DPYD: variants seen among roughly 807,000 people sequenced by gnomAD.
The protein encoded by DPYD is dihydropyrimidine dehydrogenase, also known as dihydropyrimidine dehydrogenase [NADP(+)].
A neutral mutation model predicts 116.2 loss-of-function variants in DPYD; 109 were observed. That is an observed-to-expected ratio of 0.94 (90% CI 0.80 to 1.10). The LOEUF (loss-of-function observed/expected upper bound fraction) is 1.10, where lower values mean the gene tolerates loss of function less well. DPYD is among the 50% of genes least tolerant of loss of function. DPYD has a pLI of 0.00. For missense variants in DPYD, 1,302 were observed against 1,254.5 expected, an observed-to-expected ratio of 1.04 and a Z score of -0.57; for synonymous variants, 440 against 432.0, an observed-to-expected ratio of 1.02 and a Z score of -0.23.
chr1:97,834,444 G>A (rs1669672003), intron 2 of DPYD, among the ~76,000 whole-genome samples: 1 of 151,648 alleles, frequency 6.6e-6, no homozygotes, highest in Non-Finnish European at 1.5e-5. Flanking sequence ...CCATTGCCAT[G>A]TATTAGTGAT....
At chr1:97,662,956 T>C (rs750888007) in intron 8 of DPYD, among the ~76,000 whole-genome samples, 12 of 152,192 alleles carry the variant, frequency 7.9e-5, no homozygotes, top group Non-Finnish European at 1.6e-4. Flanking sequence ...AAACTAAATA[T>C]GTAATCTCGT....
chr1:97,411,645 C>G (rs1381187448), intron 14 of DPYD, among the ~76,000 whole-genome samples: 1 of 152,172 alleles, frequency 6.6e-6, no homozygotes, highest in Non-Finnish European at 1.5e-5. Flanking sequence ...CCTTAATATG[C>G]AGTTGATGCT....
Position 97,920,868 on chromosome 1 carries a change from G to A in DPYD, c.39+16C>T. ...ACCACCCCGCCACCACCGACGAGCC[G>A]GCGCGAAGTCCGTACCTCGATGTCC... On this transcript the variant is annotated intron_variant, in intron 1 of 22. Coordinates refer to ENST00000370192, the MANE Select transcript of DPYD (RefSeq NM_000110.4). 1 of 1,589,102 alleles carries A rather than the reference G, an allele frequency of 6.3e-7. No individual in the cohort carries two copies.
intron 18 of DPYD, among the ~76,000 whole-genome samples, chr1:97,282,275 C>A (rs749984193): frequency 2.0e-5 from 3 of 151,936 alleles, no homozygotes; most frequent in Non-Finnish European, 4.4e-5. Context: ...GTTTCATATT[C>A]GTCTTCTAAT....
At chr1:97,724,302 GGGGGGGTGT>G (rs1663099347) in intron 4 of DPYD, among the ~76,000 whole-genome samples, 1 of 14,922 alleles carries the variant, frequency 6.7e-5, no homozygotes, top group African/African-American at 2.6e-4. Context: ...GTGGGGGGGG[GGGGGGGTGT>G]GTGTGTGTGT....
chr1:97,601,336 G>T (rs1158007749), intron 8 of DPYD, among the ~76,000 whole-genome samples: 3 of 151,812 alleles, frequency 2.0e-5, no homozygotes, highest in African/African-American at 7.3e-5. Context: ...GGGGGAAAAA[G>T]GCTTACATGA....
chr1:97,532,889 T>C (rs1649731342), intron 12 of DPYD, among the ~76,000 whole-genome samples: 1 of 149,040 alleles, frequency 6.7e-6, no homozygotes, highest in Non-Finnish European at 1.5e-5. Flanking sequence ...TTTCCATCCT[T>C]CTGCTAACTT....
At chr1:97,581,722 G>C (rs1653688859) in intron 10 of DPYD, among the ~76,000 whole-genome samples, 1 of 143,294 alleles carries the variant, frequency 7.0e-6, no homozygotes, top group African/African-American at 2.6e-5. Flanking sequence ...TTCTGGCCTT[G>C]GTGACACAGC....
At chr1:97,759,262 G>A (rs542850103) in intron 3 of DPYD, among the ~76,000 whole-genome samples, 17 of 152,208 alleles carry the variant, frequency 1.1e-4, no homozygotes, top group Non-Finnish European at 1.6e-4. Flanking sequence ...AGAGCCCAAG[G>A]CATTTGTTGA....
At chr1:97,149,153 G>T (rs1164463909) in intron 20 of DPYD, among the ~76,000 whole-genome samples, 2 of 152,216 alleles carry the variant, frequency 1.3e-5, no homozygotes, top group East Asian at 3.8e-4. Context: ...TTAGGATTGA[G>T]TAAACAATTA....
chr1:97,227,261 A>G lies in DPYD; in HGVS notation c.2442+7591T>C, dbSNP rs369020771. On this transcript the variant is annotated intron_variant, in intron 19 of 22. Transcript: ENST00000370192. ...AAAATGGCTTGAATCTGGGAGGTGG[A>G]GATTGCAGTGAGCCGAGATCGTGCC... Among the ~76,000 whole-genome samples the G allele has an allele frequency of 1.2e-4, 17 of 137,404 alleles. No individual in the cohort carries two copies. The South Asian group carries it at 2.4e-3, about 19-fold the overall frequency. 90.1% of individuals were successfully genotyped at this position (137,404 alleles called of 152,430 possible).
At chr1:97,160,510 G>A (rs1473706595) in intron 20 of DPYD, among the ~76,000 whole-genome samples, 1 of 152,100 alleles carries the variant, frequency 6.6e-6, no homozygotes, top group South Asian at 2.1e-4. Flanking sequence ...GGCCAAGTAA[G>A]GGGGTGTTCG....
intron 18 of DPYD, among the ~76,000 whole-genome samples, chr1:97,242,578 T>TTA (rs1243094592): frequency 6.6e-6 from 1 of 151,492 alleles, no homozygotes; most frequent in Non-Finnish European, 1.5e-5. Flanking sequence ...CCTTTCAAGT[T>TTA]TATATATATA....
At chr1:97,622,516 A>G (rs1656690132) in intron 8 of DPYD, among the ~76,000 whole-genome samples, 1 of 152,030 alleles carries the variant, frequency 6.6e-6, no homozygotes, top group South Asian at 2.1e-4. Context: ...GGGATCTTGG[A>G]TAGACTCTAG....
At chr1:97,352,168 G>T (rs1670179026) in intron 16 of DPYD, among the ~76,000 whole-genome samples, 1 of 152,106 alleles carries the variant, frequency 6.6e-6, no homozygotes, top group Non-Finnish European at 1.5e-5. Context: ...AGATCCAAAG[G>T]GATCAAGGAA....
chr1:97,681,778 T>C (rs746905220), intron 7 of DPYD, among the ~76,000 whole-genome samples: 1 of 152,152 alleles, frequency 6.6e-6, no homozygotes, highest in Non-Finnish European at 1.5e-5. Context: ...TACCAATATA[T>C]AATAAAGGTT....
chr1:97,828,019 G>A (rs1481479711), intron 3 of DPYD, 95 bp downstream of exon 3: 4 of 1,166,502 alleles, frequency 3.4e-6, no homozygotes, highest in Non-Finnish European at 5.1e-6. Context: ...GAACAGAGCT[G>A]AATGGTGGCA....
intron 3 of DPYD, among the ~76,000 whole-genome samples, chr1:97,782,003 T>G (rs146509439): frequency 2.4e-4 from 36 of 152,310 alleles, no homozygotes; most frequent in African/African-American, 8.4e-4. Flanking sequence ...CAGGCCTGTG[T>G]CTCATTCCAA....
intron 22 of DPYD, 127 bp from the exon 23 acceptor site, chr1:97,079,273 G>T: frequency 1.1e-6 from 1 of 926,500 alleles, no homozygotes; most frequent in Non-Finnish European, 1.8e-6. Flanking sequence ...CCAGCTCTAT[G>T]GTGCAACTAT....
Sources: gnomAD v4.1 joint callset for allele counts (sites outside exome capture counted in the v4.1 genomes callset) on GRCh38, gnomAD v4.1.1 for gene constraint, MANE v1.5 for transcripts, NCBI Gene and HGNC (gene_info 2026-07-23, HGNC 2026-07-21) for gene names.